NSD1: variants seen among roughly 807,000 people sequenced by gnomAD.
NSD1 encodes the protein histone-lysine N-methyltransferase, H3 lysine-36 specific.
In NSD1, 26 loss-of-function variants were observed where a neutral mutation model predicts 242.7. The ratio of observed to expected loss-of-function variants is 0.11; its 90% CI spans 0.08 to 0.15. The LOEUF is 0.15. Ranked by LOEUF, NSD1 falls within the 10% of genes least tolerant of loss-of-function variation. The pLI is 1.00. For missense variants in NSD1, 2,495 were observed against 3,272.8 expected (o/e 0.76, Z 5.80); for synonymous variants, 1,106 against 1,178.1 (o/e 0.94, Z 1.25).
chr5:177,281,286 C>A (rs943010594), intron 18 of NSD1, among the ~76,000 whole-genome samples: 9 of 150,714 alleles, frequency 6.0e-5, no homozygotes, highest in Non-Finnish European at 1.0e-4. Context: ...CAACTTAAAA[C>A]TTGGCAGGAT....
At chr5:177,174,891 TG>T (rs398039344) in intron 2 of NSD1, among the ~76,000 whole-genome samples, 3 of 137,450 alleles carry the variant, frequency 2.2e-5, no homozygotes, top group African/African-American at 8.2e-5. Context: ...TTTTTTTTTT[TG>T]GGACAGTCTC....
chr5:177,261,707 G>A (rs895482299), intron 14 of NSD1, among the ~76,000 whole-genome samples: 1 of 152,056 alleles, frequency 6.6e-6, no homozygotes. Context: ...TTGGTATTTT[G>A]TAATGGTATT....
chr5:177,244,198 T>A lies in NSD1; in HGVS notation c.4306T>A (p.Tyr1436Asn). 1 of 1,610,360 alleles carries A rather than the reference T, an allele frequency of 6.2e-7. No homozygotes were observed. The highest frequency in any genetic ancestry group is 8.5e-7 in the Non-Finnish European group (1 of 1,176,924). ...KGDLGLSKKC[Y>N]EAGHLENGIT... ...TGTTGTTTTCACTTATTTATAGTGC[T>A]ATGAAGCTGGTCACCTGGAGAATGG... is the stretch of plus-strand genomic sequence containing the variant. Residue 1436 changes from tyrosine to asparagine, a missense_variant, in exon 9 of 23, where the codon TAT becomes AAT. Transcript: ENST00000439151.
In NSD1 at chr5:177,265,605, C is replaced by T. The variant is rs1220039269; in HGVS notation, c.5147-1957C>T. ...CTGTAGTCTGTGGAGCAGGACAGGT[C>T]GCACAGATGGCCCCTGAAATCTAGG... On this transcript the variant is annotated intron_variant, in intron 14 of 22. Transcript: ENST00000439151. The T allele has an allele frequency of 2.1e-5, 30 of 1,418,232 alleles. 1 individual carries two copies. In the East Asian group the frequency reaches 4.8e-4, roughly 23 times the overall value. The allele number at this position is 1,418,232 out of a possible 1,614,324, so 87.9% of individuals were successfully genotyped here.
chr5:177,227,136 T>A (rs1425068562), intron 5 of NSD1, among the ~76,000 whole-genome samples: 2 of 152,246 alleles, frequency 1.3e-5, no homozygotes. Flanking sequence ...AAGATGGGGA[T>A]ACAGATAAAA....
intron 5 of NSD1, among the ~76,000 whole-genome samples, chr5:177,230,900 T>A (rs1765004611): frequency 6.6e-6 from 1 of 151,534 alleles, no homozygotes; most frequent in African/African-American, 2.4e-5. Flanking sequence ...GGAAGGAGAC[T>A]GTCTAGGATT....
chr5:177,236,298 A>G lies in NSD1; in HGVS notation c.3921+353A>G, dbSNP rs549707544. 2.6e-5 allele frequency among the ~76,000 whole-genome samples: 4 copies of G among 152,260 alleles called. No individual in the cohort carries two copies. The South Asian group carries it at 8.3e-4, about 32-fold the overall frequency. On this transcript the variant is annotated intron_variant, in intron 6 of 22. Coordinates refer to ENST00000439151, the MANE Select transcript of NSD1 (RefSeq NM_022455.5). ...TATATCTTATTTGTCTTATTTTTCA[A>G]CTCAGTTTTTTAAAATGAAATAGAG...
chr5:177,194,383 C>CGGAA (rs1761933553), intron 3 of NSD1, among the ~76,000 whole-genome samples: 2 of 151,390 alleles, frequency 1.3e-5, no homozygotes, highest in Non-Finnish European at 2.9e-5. Flanking sequence ...CCTCAGCATC[C>CGGAA]TGAATAGCTG....
intron 3 of NSD1, among the ~76,000 whole-genome samples, chr5:177,193,551 A>T (rs1193050425): frequency 1.3e-5 from 2 of 152,026 alleles, no homozygotes; most frequent in Admixed American, 1.3e-4. Context: ...TGTTGGGATT[A>T]CAGGTGTGAG....
intron 5 of NSD1, among the ~76,000 whole-genome samples, chr5:177,221,504 C>T (rs1024362834): frequency 6.6e-6 from 1 of 151,916 alleles, no homozygotes; most frequent in Admixed American, 6.6e-5. Context: ...CGGAGTCTTG[C>T]TCTGTTGCCC....
At chr5:177,155,726 G>A (rs1379515325) in intron 2 of NSD1, among the ~76,000 whole-genome samples, 6 of 151,340 alleles carry the variant, frequency 4.0e-5, no homozygotes, top group African/African-American at 9.7e-5. Context: ...TCACTCTGTC[G>A]CCCAGGCTAG....
chr5:177,149,558 A>G (rs1757533880), intron 2 of NSD1, among the ~76,000 whole-genome samples: 1 of 152,140 alleles, frequency 6.6e-6, no homozygotes, highest in East Asian at 1.9e-4. Context: ...AGCAGTCCCC[A>G]GCCTTTTTGG....
In NSD1 at chr5:177,135,912, A is replaced by T; in HGVS notation, c.809A>T (p.Gln270Leu). 1 of 1,612,892 alleles carries T rather than the reference A, an allele frequency of 6.2e-7. No homozygotes were observed. The change falls in exon 2 of 23, where the codon CAA becomes CTA. Residue 270 changes from glutamine (Q) to leucine (L), a missense_variant. Coordinates refer to ENST00000439151, the MANE Select transcript of NSD1 (RefSeq NM_022455.5). ...GACACAAACATTACAATAGAAGAGC[A>T]ATTAAACTCAATAAATTTATCTTTT... is the stretch of plus-strand genomic sequence containing the variant. ...LGDTNITIEE[Q>L]LNSINLSFQD...
At chr5:177,239,374 G>C (rs1765683706) in intron 7 of NSD1, among the ~76,000 whole-genome samples, 1 of 152,116 alleles carries the variant, frequency 6.6e-6, no homozygotes, top group South Asian at 2.1e-4. Context: ...TTACTTAGGG[G>C]CAGAGCAGAA....
chr5:177,174,981 C>T (rs1485468083), intron 2 of NSD1, among the ~76,000 whole-genome samples: 1 of 148,360 alleles, frequency 6.7e-6, no homozygotes, highest in Non-Finnish European at 1.5e-5. Context: ...ACGCCATTCT[C>T]CTGCCTCAGC....
intron 2 of NSD1, among the ~76,000 whole-genome samples, chr5:177,184,528 T>G (rs1484028879): frequency 1.3e-5 from 2 of 152,150 alleles, no homozygotes; most frequent in Non-Finnish European, 2.9e-5. Flanking sequence ...TTACTTGTTT[T>G]GGGTTTTTTT....
Position 177,210,778 on chromosome 5 carries a change from A to G in NSD1, c.2379A>G (p.Lys793=). The G allele has an allele frequency of 6.2e-7, 1 of 1,614,218 alleles. No individual in the cohort carries two copies. Among genetic ancestry groups the G allele is most frequent in the Non-Finnish European group, 8.5e-7 (1 of 1,180,044 alleles). ...KQPKFRSIKC[K]HKENPVMAEP... ...CCAAGTTCCGAAGTATAAAGTGCAA[A>G]CACAAAGAAAATCCAGTTATGGCAG... The change falls in exon 5 of 23, where the codon AAA becomes AAG. Residue 793 remains lysine (K), a synonymous_variant. Transcript: ENST00000439151.
chr5:177,210,728 C>G lies in NSD1; in HGVS notation c.2329C>G (p.Leu777Val), dbSNP rs1475828775. ...LIKGGAANQA[L>V]LHSKSKQPKF... is the part of the protein sequence containing the mutation. Reference sequence around the variant, plus strand: ...AAAGGGTGGGGCAGCAAATCAAGCTCTATTACATTCGAAAAGCAAACAGCC... The same window carrying G: ...AAAGGGTGGGGCAGCAAATCAAGCTGTATTACATTCGAAAAGCAAACAGCC... Residue 777 changes from leucine to valine, a missense_variant, in exon 5 of 23, where the codon CTA becomes GTA. By Grantham distance (32) the Leu-to-Val change is conservative. Transcript: ENST00000439151. 2 of 1,614,064 alleles carry G rather than the reference C, an allele frequency of 1.2e-6. No homozygotes were observed. The highest frequency in any genetic ancestry group is 3.3e-5 in the Admixed American group (2 of 60,002).
At chr5:177,212,342 G>T in intron 5 of NSD1, 147 bp downstream of exon 5, 1 of 812,252 alleles carries the variant, frequency 1.2e-6, no homozygotes, top group Non-Finnish European at 2.0e-6. Context: ...GGAGTTTTAT[G>T]TAGAAAGGTC....
Sources: allele counts gnomAD v4.1 joint callset (sites outside exome capture counted in the v4.1 genomes callset), GRCh38; gene constraint gnomAD v4.1.1; transcripts MANE v1.5; gene names NCBI Gene and HGNC (gene_info 2026-07-23, HGNC 2026-07-21).